The following IL1RAPL2 variants were observed in gnomAD, a reference collection of about 807,000 sequenced individuals.
The protein encoded by IL1RAPL2 is interleukin 1 receptor accessory protein like 2.
A neutral mutation model predicts 44.1 loss-of-function variants in IL1RAPL2; 3 were observed. That is an observed-to-expected ratio of 0.07 (90% CI 0.03 to 0.18). IL1RAPL2 has a LOEUF of 0.18. Ranked by LOEUF, IL1RAPL2 falls within the 10% of genes least tolerant of loss-of-function variation. IL1RAPL2 has a pLI of 1.00. For missense variants in IL1RAPL2, 391 were observed against 496.4 expected, an observed-to-expected ratio of 0.79 and a Z score of 2.02; for synonymous variants, 181 against 178.8, an observed-to-expected ratio of 1.01 and a Z score of -0.10.
chrX:105,338,115 G>A (rs946474177), intron 5 of IL1RAPL2, among the ~76,000 whole-genome samples: 4 of 111,863 alleles, frequency 3.6e-5, no homozygotes, highest in Non-Finnish European at 7.5e-5. Context: ...TTGCTTCTTT[G>A]TTATCTATTT....
chrX:105,572,043 G>A lies in IL1RAPL2; in HGVS notation c.772+87656G>A, dbSNP rs1182083587. Among the ~76,000 whole-genome samples, 4 of 111,524 alleles carry A rather than the reference G, an allele frequency of 3.6e-5. No homozygotes were observed. The East Asian group carries it at 1.1e-3, about 31-fold the overall frequency. Reference sequence around the variant, plus strand: ...AAATTTTACAACTATTAATAGAAACGAAGATGTTCCAAATATGTCCATTTT... The same window carrying A: ...AAATTTTACAACTATTAATAGAAACAAAGATGTTCCAAATATGTCCATTTT... On this transcript the variant is annotated intron_variant, in intron 6 of 10. Transcript: ENST00000372582.
intron 6 of IL1RAPL2, among the ~76,000 whole-genome samples, chrX:105,602,439 G>A (rs779059548): frequency 9.1e-6 from 1 of 110,493 alleles, no homozygotes; most frequent in Non-Finnish European, 1.9e-5. Context: ...GGACAGATAG[G>A]ACACCATTAA....
chrX:105,376,907 A>G (rs1423122617), intron 5 of IL1RAPL2, among the ~76,000 whole-genome samples: 1 of 112,423 alleles, frequency 8.9e-6, no homozygotes, highest in Non-Finnish European at 1.9e-5. Flanking sequence ...TGACACATTA[A>G]TTTATTACTT....
At chrX:105,104,173 T>C (rs2032707516) in intron 2 of IL1RAPL2, among the ~76,000 whole-genome samples, 1 of 111,311 alleles carries the variant, frequency 9.0e-6, no homozygotes, top group African/African-American at 3.3e-5. Context: ...AGACCAGCTA[T>C]AGTCTCAGAA....
chrX:105,100,861 T>C (rs916210552), intron 2 of IL1RAPL2, among the ~76,000 whole-genome samples: 5 of 112,247 alleles, frequency 4.5e-5, no homozygotes, highest in African/African-American at 1.6e-4. Flanking sequence ...TCTCTTCAGG[T>C]ATAAGATTCT....
intron 5 of IL1RAPL2, among the ~76,000 whole-genome samples, chrX:105,300,568 C>G (rs1353931322): frequency 9.0e-6 from 1 of 111,172 alleles, no homozygotes; most frequent in Admixed American, 9.6e-5. Context: ...GGACACAGAT[C>G]TGAACCATAA....
intron 2 of IL1RAPL2, among the ~76,000 whole-genome samples, chrX:104,732,839 A>T (rs1682165013): frequency 8.9e-6 from 1 of 111,801 alleles, no homozygotes; most frequent in Admixed American, 9.5e-5. Flanking sequence ...TAAATTACAG[A>T]TTACCTCACA....
chrX:104,593,231 A>G (rs899525970), intron 1 of IL1RAPL2, among the ~76,000 whole-genome samples: 5 of 111,724 alleles, frequency 4.5e-5, no homozygotes, highest in African/African-American at 1.6e-4. Context: ...GAGCTTCTTA[A>G]TCTCCTTTGA....
intron 1 of IL1RAPL2, among the ~76,000 whole-genome samples, chrX:104,612,773 G>A (rs1013467871): frequency 9.0e-6 from 1 of 111,380 alleles, no homozygotes; most frequent in African/African-American, 3.3e-5. Flanking sequence ...TAGGCAGTAT[G>A]GCTATTTTAA....
At chrX:104,753,554 G>T (rs186005294) in intron 2 of IL1RAPL2, among the ~76,000 whole-genome samples, 241 of 111,437 alleles carry the variant, frequency 2.2e-3, no homozygotes, top group African/African-American at 7.4e-3. Flanking sequence ...AAATCAGAAG[G>T]CCAGAAAAAT....
At chrX:104,634,467 G>A (rs903576892) in intron 1 of IL1RAPL2, among the ~76,000 whole-genome samples, 6 of 111,228 alleles carry the variant, frequency 5.4e-5, no homozygotes, top group African/African-American at 1.6e-4. Context: ...CATTATTATT[G>A]TGTGGGAATC....
chrX:104,732,106 A>G (rs1174033579), intron 2 of IL1RAPL2, among the ~76,000 whole-genome samples: 1 of 112,109 alleles, frequency 8.9e-6, no homozygotes, highest in Non-Finnish European at 1.9e-5. Context: ...AAATATTTAG[A>G]ATTGAATAAT....
At chrX:105,582,902 A>G (rs952345408) in intron 6 of IL1RAPL2, among the ~76,000 whole-genome samples, 1 of 110,718 alleles carries the variant, frequency 9.0e-6, no homozygotes, top group Non-Finnish European at 1.9e-5. Flanking sequence ...TGTGTGTATG[A>G]TCATAAGCAA....
intron 2 of IL1RAPL2, among the ~76,000 whole-genome samples, chrX:104,966,534 A>G (rs1277626580): frequency 1.8e-5 from 2 of 112,167 alleles, no homozygotes; most frequent in Admixed American, 1.9e-4. Context: ...TCAATTCACT[A>G]GGAAGTTCTA....
intron 4 of IL1RAPL2, among the ~76,000 whole-genome samples, chrX:105,265,376 G>A (rs906581657): frequency 1.2e-4 from 13 of 112,020 alleles, no homozygotes; most frequent in African/African-American, 3.2e-4. Context: ...TTGTATGACG[G>A]CAGTGGCAGC....
chrX:104,583,408 C>T (rs1424022315), intron 1 of IL1RAPL2, among the ~76,000 whole-genome samples: 1 of 111,296 alleles, frequency 9.0e-6, no homozygotes, highest in Non-Finnish European at 1.9e-5. Flanking sequence ...AACATGATGC[C>T]TCAAGCCCAG....
At chrX:104,818,791 T>C (rs956636474) in intron 2 of IL1RAPL2, among the ~76,000 whole-genome samples, 1 of 45,879 alleles carries the variant, frequency 2.2e-5, no homozygotes, top group African/African-American at 8.6e-5. Flanking sequence ...TAGTGGATGT[T>C]TATATTGCAA....
intron 6 of IL1RAPL2, among the ~76,000 whole-genome samples, chrX:105,553,406 G>A (rs981896940): frequency 9.0e-6 from 1 of 111,591 alleles, no homozygotes; most frequent in Admixed American, 9.5e-5. Context: ...GGAGAAAGTA[G>A]CTAAAAGGAA....
chrX:105,031,685 T>G (rs1470688198), intron 2 of IL1RAPL2, among the ~76,000 whole-genome samples: 8 of 111,930 alleles, frequency 7.1e-5, no homozygotes, highest in East Asian at 2.8e-4. Flanking sequence ...TGTTTATCAA[T>G]GATATTGGTC....
Sources: gnomAD v4.1 joint callset for allele counts (sites outside exome capture counted in the v4.1 genomes callset) on GRCh38, gnomAD v4.1.1 for gene constraint, MANE v1.5 for transcripts, NCBI Gene and HGNC (gene_info 2026-07-23, HGNC 2026-07-21) for gene names.